TRMT11: variants seen among roughly 807,000 people sequenced by gnomAD.
TRMT11 encodes tRNA (guanine(10)-N(2))-methyltransferase TRMT11.
TRMT11 carries 53 observed loss-of-function variants against 62.8 expected under a neutral mutation model. That is an observed-to-expected ratio of 0.84 (90% CI 0.68 to 1.06). The LOEUF is 1.06. Among genes scored for constraint, TRMT11 ranks in the 50% least tolerant of loss-of-function variants. TRMT11 has a pLI of 0.00. For synonymous variants in TRMT11, 188 were observed against 190.3 expected, an observed-to-expected ratio of 0.99 and a Z score of 0.10; for missense variants, 556 against 553.4, an observed-to-expected ratio of 1.00 and a Z score of -0.05.
rs547228164 is a variant in TRMT11 at position 126,127,558 on chromosome 6, G to T, written c.*1823+11703G>T. 9.9e-5 allele frequency among the ~76,000 whole-genome samples: 15 copies of T among 151,736 alleles called. No homozygotes were observed. In the East Asian group the frequency reaches 2.9e-3, roughly 30 times the overall value. ...TAGGGTACATGTGCACAACGTGCAG[G>T]TTTGTTACATATGTACACATGTACC... On this transcript the variant is annotated intron_variant and NMD_transcript_variant, in intron 21 of 22. Coordinates refer to the TRMT11 transcript ENST00000648977.
intron 21 of TRMT11, among the ~76,000 whole-genome samples, chr6:126,169,841 A>G (rs1442202070): frequency 1.3e-5 from 2 of 152,176 alleles, no homozygotes; most frequent in South Asian, 2.1e-4. Context: ...TATAAACAGG[A>G]AAAATAAAAA....
At chr6:126,140,216 T>C (rs1777902011) in intron 21 of TRMT11, among the ~76,000 whole-genome samples, 1 of 152,024 alleles carries the variant, frequency 6.6e-6, no homozygotes, top group Non-Finnish European at 1.5e-5. Context: ...CTTGTATTCC[T>C]GGGATAAGCC....
chr6:126,204,444 A>G (rs1778770614), downstream of TRMT11, among the ~76,000 whole-genome samples: 1 of 152,228 alleles, frequency 6.6e-6, no homozygotes, highest in African/African-American at 2.4e-5. Context: ...TATTGTATAT[A>G]CTAGAATCCC....
At chr6:126,098,804 A>T (rs1259065520) in intron 17 of TRMT11, among the ~76,000 whole-genome samples, 1 of 152,212 alleles carries the variant, frequency 6.6e-6, no homozygotes, top group Non-Finnish European at 1.5e-5. Flanking sequence ...AGATAAACAG[A>T]TGGGTACACC....
chr6:126,143,146 G>C (rs1046831061), intron 21 of TRMT11, among the ~76,000 whole-genome samples: 1 of 151,858 alleles, frequency 6.6e-6, no homozygotes, highest in Non-Finnish European at 1.5e-5. Flanking sequence ...ATGTATCCTT[G>C]GTCATTTTTC....
chr6:125,996,320 G>A (rs771108246), intron 3 of TRMT11, among the ~76,000 whole-genome samples: 3 of 152,186 alleles, frequency 2.0e-5, no homozygotes, highest in Non-Finnish European at 2.9e-5. Context: ...ATGTTCTTAC[G>A]CAGGATAGAT....
chr6:126,180,634 T>C (rs1341039195), intron 1 of TRMT11, among the ~76,000 whole-genome samples: 1 of 152,226 alleles, frequency 6.6e-6, no homozygotes, highest in Admixed American at 6.5e-5. Flanking sequence ...GAATGATTCA[T>C]ATACTTTTAA....
rs1379147058 is a variant in TRMT11, at chr6:126,200,465, AC to A, written n.371+567del. ...CAATATCTTAATCTCTGGAGTTTAT[AC>A]CTAGTTATGAATTCACTGCTAAGCA... On this transcript the variant is annotated intron_variant and non_coding_transcript_variant, in intron 3 of 3. Transcript: ENST00000444229. Among the ~76,000 whole-genome samples the A allele has an allele frequency of 7.3e-4, 111 of 152,350 alleles. 1 individual carries two copies. The highest frequency in any genetic ancestry group is 1.5e-4 in the Non-Finnish European group (10 of 68,038).
intron 2 of TRMT11, among the ~76,000 whole-genome samples, chr6:125,995,579 A>G (rs1791370826): frequency 6.6e-6 from 1 of 152,214 alleles, no homozygotes; most frequent in African/African-American, 2.4e-5. Context: ...AAAAGGTCTC[A>G]TGTAGCAACT....
At chr6:126,253,138 A>T in the TRMT11 span, among the ~76,000 whole-genome samples, 1 of 152,114 alleles carries the variant, frequency 6.6e-6, no homozygotes, top group Non-Finnish European at 1.5e-5. Context: ...ATGTGTATAC[A>T]TATGTACATT....
chr6:125,992,309 A>G (rs1305929001), intron 1 of TRMT11, among the ~76,000 whole-genome samples: 1 of 152,208 alleles, frequency 6.6e-6, no homozygotes, highest in African/African-American at 2.4e-5. Context: ...TTTTAACAGT[A>G]TATTCCAGGA....
chr6:126,257,535 T>A, the TRMT11 span, among the ~76,000 whole-genome samples: 1 of 152,264 alleles, frequency 6.6e-6, no homozygotes, highest in South Asian at 2.1e-4. Context: ...GTTTGGAAGT[T>A]TTCCTTCCTC....
the TRMT11 span, among the ~76,000 whole-genome samples, chr6:126,261,238 A>G: frequency 6.6e-6 from 1 of 151,568 alleles, no homozygotes; most frequent in Admixed American, 6.6e-5. Context: ...TATTTCATTA[A>G]CTGATTTTTT....
chr6:126,152,937 CCCGGAGTCTAAACCCATTTTTGA>C (rs1778075631), intron 21 of TRMT11, among the ~76,000 whole-genome samples: 1 of 152,092 alleles, frequency 6.6e-6, no homozygotes, highest in Admixed American at 6.6e-5. Context: ...TTTTCAGAGA[CCCGGAGTCTAAACCCATTTTTGA>C]CCAGAAGAAT....
chr6:126,023,051 GCTTTT>G (rs1452183993), intron 12 of TRMT11, among the ~76,000 whole-genome samples: 1 of 152,040 alleles, frequency 6.6e-6, no homozygotes, highest in Non-Finnish European at 1.5e-5. Context: ...GTAACACCTT[GCTTTT>G]CTTAAAATGA....
chr6:126,253,668 A>G, the TRMT11 span, among the ~76,000 whole-genome samples: 1 of 152,196 alleles, frequency 6.6e-6, no homozygotes, highest in Non-Finnish European at 1.5e-5. Flanking sequence ...GACCATCGTC[A>G]TATATGCAGT....
At chr6:126,080,674 C>T (rs1323486978) in intron 17 of TRMT11, among the ~76,000 whole-genome samples, 1 of 152,132 alleles carries the variant, frequency 6.6e-6, no homozygotes, top group Non-Finnish European at 1.5e-5. Flanking sequence ...ACTAAATACT[C>T]TCTCTTAATT....
At chr6:126,162,910 T>C (rs1778207989) in intron 21 of TRMT11, among the ~76,000 whole-genome samples, 1 of 152,240 alleles carries the variant, frequency 6.6e-6, no homozygotes, top group South Asian at 2.1e-4. Flanking sequence ...ATTGATTTTG[T>C]ATCCTGAGAC....
chr6:126,056,633 G>C (rs4299847), intron 17 of TRMT11, among the ~76,000 whole-genome samples: 1 of 152,088 alleles, frequency 6.6e-6, no homozygotes, highest in African/African-American at 2.4e-5. Flanking sequence ...TAAAGACTTA[G>C]GCCAGGCGTG....
Sources: allele counts gnomAD v4.1 joint callset (sites outside exome capture counted in the v4.1 genomes callset), GRCh38; gene constraint gnomAD v4.1.1; transcripts MANE v1.5; gene names NCBI Gene and HGNC (gene_info 2026-07-23, HGNC 2026-07-21).